Variants in BMAL2 observed in about 807,000 individuals in gnomAD.
BMAL2 encodes the protein basic helix-loop-helix ARNT-like protein 2.
chr12:27,383,175 T>G, the BMAL2 span, among the ~76,000 whole-genome samples: 1 of 152,188 alleles, frequency 6.6e-6, no homozygotes, highest in African/African-American at 2.4e-5. Context: ...GCTATGTGAC[T>G]TACTCAAGTT....
chr12:27,365,900 TG>T, the BMAL2 span, among the ~76,000 whole-genome samples: 1 of 151,974 alleles, frequency 6.6e-6, no homozygotes, highest in East Asian at 1.9e-4. Context: ...TTTATTTTAC[TG>T]ATCTTTTTCT....
At chr12:27,366,128 G>T in the BMAL2 span, among the ~76,000 whole-genome samples, 1 of 151,864 alleles carries the variant, frequency 6.6e-6, no homozygotes, top group Non-Finnish European at 1.5e-5. Context: ...TTATCTTTTT[G>T]TTCCTGGCTT....
chr12:27,400,918 G>C, the BMAL2 span: 2 of 822,286 alleles, frequency 2.4e-6, no homozygotes, highest in Admixed American at 6.0e-5. Flanking sequence ...TAAGAATATG[G>C]ACATGTCAGT....
chr12:27,416,292 T>C, the BMAL2 span, among the ~76,000 whole-genome samples: 4 of 152,120 alleles, frequency 2.6e-5, no homozygotes, highest in African/African-American at 9.7e-5. Context: ...CAAAAACTCT[T>C]AGAACAGTGC....
At chr12:27,349,821 A>G in the BMAL2 span, among the ~76,000 whole-genome samples, 1 of 152,144 alleles carries the variant, frequency 6.6e-6, no homozygotes, top group Non-Finnish European at 1.5e-5. Flanking sequence ...GAGAGGGTAA[A>G]TGTTGCCTAA....
the BMAL2 span, among the ~76,000 whole-genome samples, chr12:27,363,619 G>A: frequency 6.6e-6 from 1 of 152,104 alleles, no homozygotes. Context: ...TTTATGAAGT[G>A]CCTATTCAAG....
At chr12:27,380,108 A>G in the BMAL2 span, 1 of 760,252 alleles carries the variant, frequency 1.3e-6, no homozygotes, top group Non-Finnish European at 2.1e-6. Flanking sequence ...CTCTTCCCTC[A>G]CTGACAACTG....
At chr12:27,384,202 G>A in the BMAL2 span, among the ~76,000 whole-genome samples, 4 of 152,180 alleles carry the variant, frequency 2.6e-5, no homozygotes, top group African/African-American at 9.6e-5. Flanking sequence ...GGCCATGAAG[G>A]GCTTTGCGAA....
chr12:27,410,845 A>C, the BMAL2 span, among the ~76,000 whole-genome samples: 4 of 152,100 alleles, frequency 2.6e-5, no homozygotes, highest in Non-Finnish European at 5.9e-5. Context: ...CTTTCTAAAC[A>C]TCAAAAAATC....
the BMAL2 span, among the ~76,000 whole-genome samples, chr12:27,380,010 T>C: frequency 1.3e-5 from 2 of 152,150 alleles, no homozygotes; most frequent in Non-Finnish European, 2.9e-5. Context: ...TGTCTTTGTT[T>C]TTAAATATTT....
the BMAL2 span, among the ~76,000 whole-genome samples, chr12:27,370,422 G>T: frequency 1.3e-4 from 20 of 152,204 alleles, 2 homozygotes; most frequent in South Asian, 3.9e-3. Context: ...CAAAGTACGT[G>T]GTGCTGACTA....
At chr12:27,361,462 A>G in the BMAL2 span, among the ~76,000 whole-genome samples, 5 of 152,230 alleles carry the variant, frequency 3.3e-5, no homozygotes, top group Admixed American at 1.3e-4. Context: ...ATTGAGTGTT[A>G]AAGAACACAT....
chr12:27,369,152 C>A, the BMAL2 span, among the ~76,000 whole-genome samples: 42 of 152,150 alleles, frequency 2.8e-4, no homozygotes, highest in Non-Finnish European at 4.1e-4. Context: ...CCATCTATAG[C>A]AACTCATCGT....
At chr12:27,377,741 TA>T in the BMAL2 span, among the ~76,000 whole-genome samples, 1 of 152,140 alleles carries the variant, frequency 6.6e-6, no homozygotes, top group East Asian at 1.9e-4. Context: ...ACCTTGTCTT[TA>T]AAAAGATAAA....
the BMAL2 span, chr12:27,418,333 G>T: frequency 1.8e-6 from 1 of 565,276 alleles, no homozygotes; most frequent in Admixed American, 3.1e-5. Flanking sequence ...GAGCACATTG[G>T]CTCACACCTG....
the BMAL2 span, among the ~76,000 whole-genome samples, chr12:27,369,301 G>T: frequency 6.6e-6 from 1 of 151,636 alleles, no homozygotes; most frequent in Non-Finnish European, 1.5e-5. Flanking sequence ...TTTTTTGGTG[G>T]GGGGGGTGGT....
At chr12:27,418,516 G>A in the BMAL2 span, among the ~76,000 whole-genome samples, 1 of 151,912 alleles carries the variant, frequency 6.6e-6, no homozygotes, top group Admixed American at 6.6e-5. Context: ...AAGGCAGGAG[G>A]ATTGCTTGAG....
the BMAL2 span, among the ~76,000 whole-genome samples, chr12:27,382,465 C>T: frequency 1.3e-5 from 2 of 152,080 alleles, no homozygotes. Flanking sequence ...AGCAGTGGTT[C>T]GAGTGAGAGG....
the BMAL2 span, chr12:27,425,252 T>C: frequency 6.8e-6 from 1 of 146,428 alleles, no homozygotes; most frequent in Non-Finnish European, 1.5e-5. Context: ...TCATTTGTAG[T>C]TTTTTTTTTT....
Sources: allele counts gnomAD v4.1 joint callset (sites outside exome capture counted in the v4.1 genomes callset), GRCh38; gene constraint gnomAD v4.1.1; transcripts MANE v1.5; gene names NCBI Gene and HGNC (gene_info 2026-07-23, HGNC 2026-07-21).